ZCCHC24: variants seen among roughly 807,000 people sequenced by gnomAD.
The protein encoded by ZCCHC24 is zinc finger CCHC-type containing 24.
Under a neutral mutation model 26.2 loss-of-function variants are expected in ZCCHC24, and 10 were observed. That is an observed-to-expected ratio of 0.38 (90% CI 0.24 to 0.65). The LOEUF (loss-of-function observed/expected upper bound fraction) is 0.65. ZCCHC24 is among the 30% of genes least tolerant of loss of function. The probability of loss-of-function intolerance (pLI) is 0.54; values close to 1 mark genes in which losing one functional copy is unlikely to be tolerated. For synonymous variants in ZCCHC24, 144 were observed against 147.1 expected (o/e 0.98, Z 0.15); for missense variants, 243 against 329.1 (o/e 0.74, Z 2.03).
chr10:79,430,895 C>G (rs1264221878), intron 2 of ZCCHC24, among the ~76,000 whole-genome samples: 1 of 152,202 alleles, frequency 6.6e-6, no homozygotes, highest in East Asian at 1.9e-4. Context: ...TGTCACCTGC[C>G]TGCCTGGATT....
chr10:79,403,610 C>T (rs1239845456), intron 2 of ZCCHC24: 2 of 985,280 alleles, frequency 2.0e-6, no homozygotes, highest in African/African-American at 3.5e-5. Flanking sequence ...GGGGCTTCCT[C>T]TGGAGCCTCA....
intron 2 of ZCCHC24, among the ~76,000 whole-genome samples, chr10:79,408,504 C>T (rs750869297): frequency 6.6e-6 from 1 of 152,120 alleles, no homozygotes; most frequent in Non-Finnish European, 1.5e-5. Flanking sequence ...CATGTGCCCT[C>T]GACAACTATG....
At chr10:79,392,885 A>G (rs184500136) in intron 3 of ZCCHC24, among the ~76,000 whole-genome samples, 42 of 152,272 alleles carry the variant, frequency 2.8e-4, no homozygotes, top group Admixed American at 7.2e-4. Context: ...TTGCTTTGTA[A>G]AATTTGAGGA....
chr10:79,391,982 C>G (rs1856485615), intron 3 of ZCCHC24, among the ~76,000 whole-genome samples: 1 of 151,874 alleles, frequency 6.6e-6, no homozygotes, highest in East Asian at 1.9e-4. Context: ...CATCTCTGCC[C>G]CCTCGTTCTC....
At chr10:79,401,324 T>C (rs1856629421) in intron 2 of ZCCHC24, among the ~76,000 whole-genome samples, 2 of 152,154 alleles carry the variant, frequency 1.3e-5, no homozygotes, top group Admixed American at 6.5e-5. Context: ...TGCTCCAACA[T>C]TGGGTATTTT....
intron 1 of ZCCHC24, among the ~76,000 whole-genome samples, chr10:79,444,947 G>A (rs574769903): frequency 8.5e-5 from 13 of 152,342 alleles, no homozygotes; most frequent in African/African-American, 2.6e-4. Flanking sequence ...GGGAGAGGGG[G>A]CGGGAGAGCT....
chr10:79,392,904 T>G (rs1856498703), intron 3 of ZCCHC24, among the ~76,000 whole-genome samples: 1 of 152,222 alleles, frequency 6.6e-6, no homozygotes, highest in Non-Finnish European at 1.5e-5. Flanking sequence ...GACCATCGCC[T>G]TATTGCCAGA....
At chr10:79,432,910 G>A in intron 1 of ZCCHC24, 152 bp from the exon 2 acceptor site, 1 of 846,870 alleles carries the variant, frequency 1.2e-6, no homozygotes, top group Non-Finnish European at 1.8e-6. Flanking sequence ...TAACTAGTGT[G>A]TCTCCATGGA....
intron 3 of ZCCHC24, among the ~76,000 whole-genome samples, chr10:79,386,869 G>A (rs970607121): frequency 5.9e-5 from 9 of 152,148 alleles, no homozygotes; most frequent in African/African-American, 9.7e-5. Context: ...TGAAGTTCAC[G>A]TGAGTCCAGG....
At chr10:79,426,401 T>C (rs1414638820) in intron 2 of ZCCHC24, among the ~76,000 whole-genome samples, 2 of 152,218 alleles carry the variant, frequency 1.3e-5, no homozygotes, top group Non-Finnish European at 2.9e-5. Flanking sequence ...AGAAAGAATA[T>C]TTGAAGAAAT....
At chr10:79,396,446 C>T (rs1047707927) in intron 2 of ZCCHC24, among the ~76,000 whole-genome samples, 1 of 152,174 alleles carries the variant, frequency 6.6e-6, no homozygotes, top group Non-Finnish European at 1.5e-5. Context: ...AGTGGCTGCC[C>T]CATCAGCTTG....
At chr10:79,436,571 C>T (rs1416350463) in intron 1 of ZCCHC24, among the ~76,000 whole-genome samples, 1 of 152,220 alleles carries the variant, frequency 6.6e-6, no homozygotes, top group Admixed American at 6.5e-5. Context: ...GCTCTCTAAT[C>T]TCTCCCCGTG....
chr10:79,414,125 C>A (rs954023315), intron 2 of ZCCHC24, among the ~76,000 whole-genome samples: 1 of 152,230 alleles, frequency 6.6e-6, no homozygotes, highest in African/African-American at 2.4e-5. Flanking sequence ...CCAGCTTATA[C>A]GATCACCACC....
intron 2 of ZCCHC24, among the ~76,000 whole-genome samples, chr10:79,403,964 G>A (rs139685043): frequency 0.012 from 1,775 of 152,108 alleles, 38 homozygotes; most frequent in African/African-American, 0.041. Context: ...AGATCCTGGA[G>A]AGACAGGGAG....
intron 2 of ZCCHC24, among the ~76,000 whole-genome samples, chr10:79,427,443 G>A (rs1044325756): frequency 3.9e-5 from 6 of 152,108 alleles, no homozygotes; most frequent in African/African-American, 1.4e-4. Context: ...GTTAGGTTCT[G>A]AAACAAACCA....
intron 2 of ZCCHC24, among the ~76,000 whole-genome samples, chr10:79,413,997 G>C (rs1856830041): frequency 6.6e-6 from 1 of 152,196 alleles, no homozygotes. Flanking sequence ...GTCCTCTACA[G>C]CCAGTGTTGG....
intron 1 of ZCCHC24, 152 bp downstream of exon 1, chr10:79,445,043 G>C (rs1857344102): frequency 4.8e-6 from 4 of 834,670 alleles, no homozygotes; most frequent in Non-Finnish European, 6.4e-6. Flanking sequence ...CGGCGAGTTT[G>C]GCAGAGTTGA....
rs1485622744 is a variant in ZCCHC24 at position 79,417,840 on chromosome 10, G to C, written c.447+14718C>G. On this transcript the variant is annotated intron_variant, in intron 2 of 3. Coordinates refer to ENST00000372336, the MANE Select transcript of ZCCHC24 (RefSeq NM_153367.4). ...CCGTTTCTCTGAGCCCTGAGCCTTG[G>C]AATGGGAGGGAGTGGGGGCGGTGTG... Among the ~76,000 whole-genome samples, 4 of 152,340 alleles carry C rather than the reference G, an allele frequency of 2.6e-5. No individual in the cohort carries two copies. In the South Asian group the frequency reaches 8.3e-4, roughly 32 times the overall value.
chr10:79,412,097 T>A (rs1856801720), intron 2 of ZCCHC24, among the ~76,000 whole-genome samples: 2 of 152,230 alleles, frequency 1.3e-5, no homozygotes, highest in African/African-American at 4.8e-5. Context: ...CAGGGGGCAT[T>A]GAGCCTGTGC....
Sources: gnomAD v4.1 joint callset for allele counts (sites outside exome capture counted in the v4.1 genomes callset) on GRCh38, gnomAD v4.1.1 for gene constraint, MANE v1.5 for transcripts, NCBI Gene and HGNC (gene_info 2026-07-23, HGNC 2026-07-21) for gene names.